CCDC171: variants seen among roughly 807,000 people sequenced by gnomAD.
CCDC171 encodes coiled-coil domain containing 171.
Under a neutral mutation model 168.2 loss-of-function variants are expected in CCDC171, and 177 were observed. That is an observed-to-expected ratio of 1.05 (90% CI 0.93 to 1.19). The LOEUF (loss-of-function observed/expected upper bound fraction) is 1.19. Ranked by LOEUF, CCDC171 falls within the 50% of genes most tolerant of loss-of-function variation. CCDC171 has a pLI of 0.00. For missense variants in CCDC171, 1,991 were observed against 1,539.0 expected, an observed-to-expected ratio of 1.29 and a Z score of -4.91; for synonymous variants, 687 against 540.8, an observed-to-expected ratio of 1.27 and a Z score of -3.75.
intron 18 of CCDC171, among the ~76,000 whole-genome samples, chr9:15,751,393 G>A (rs754686117): frequency 2.0e-5 from 3 of 152,110 alleles, no homozygotes; most frequent in Admixed American, 6.6e-5. Context: ...TCAAGCTGCC[G>A]CTGACTTTCT....
At chr9:15,563,608 A>G (rs964147672) in intron 1 of CCDC171, among the ~76,000 whole-genome samples, 6 of 152,056 alleles carry the variant, frequency 3.9e-5, no homozygotes, top group Admixed American at 1.3e-4. Flanking sequence ...GTCTACCACT[A>G]TTTCCAACCT....
chr9:15,760,647 C>T (rs1463963742), intron 18 of CCDC171, among the ~76,000 whole-genome samples: 1 of 152,170 alleles, frequency 6.6e-6, no homozygotes, highest in Non-Finnish European at 1.5e-5. Context: ...TTCTTGTGCA[C>T]TGATGTCTTA....
At chr9:16,074,995 T>C in the CCDC171 span, among the ~76,000 whole-genome samples, 2 of 152,218 alleles carry the variant, frequency 1.3e-5, no homozygotes, top group African/African-American at 4.8e-5. Context: ...GTTTCGTGCT[T>C]GTTACTTTAT....
intron 21 of CCDC171, among the ~76,000 whole-genome samples, chr9:15,791,622 C>T (rs1310315366): frequency 6.6e-6 from 1 of 152,122 alleles, no homozygotes; most frequent in African/African-American, 2.4e-5. Context: ...GTCAGAACTT[C>T]CAACACTATG....
At chr9:15,855,716 C>G (rs1397890340) in intron 23 of CCDC171, among the ~76,000 whole-genome samples, 1 of 151,554 alleles carries the variant, frequency 6.6e-6, no homozygotes, top group African/African-American at 2.4e-5. Context: ...TAGTTGTTTT[C>G]TTAGTGTTAC....
Position 15,945,229 on chromosome 9 carries a change from A to G in CCDC171, c.3753+24807A>G, listed in dbSNP as rs867971181. 1.7e-3 allele frequency among the ~76,000 whole-genome samples: 253 copies of G among 150,028 alleles called. 2 individuals are homozygous for G. Among genetic ancestry groups the G allele is most frequent in the African/African-American group, 5.7e-3 (235 of 41,196 alleles). ...TGAACTCATCATTTTTTATGGCTGC[A>G]TAGTATTCCATGGTGTATATGTGCC... On this transcript the variant is annotated intron_variant, in intron 25 of 25. Transcript: ENST00000380701.
chr9:15,901,743 T>G (rs1589051601), intron 24 of CCDC171, among the ~76,000 whole-genome samples: 1 of 152,190 alleles, frequency 6.6e-6, no homozygotes, highest in South Asian at 2.1e-4. Flanking sequence ...TAAGGTACGT[T>G]CAAGGAAGAG....
At chr9:15,613,946 C>T (rs1157220654) in intron 6 of CCDC171, among the ~76,000 whole-genome samples, 1 of 152,124 alleles carries the variant, frequency 6.6e-6, no homozygotes, top group Non-Finnish European at 1.5e-5. Flanking sequence ...GAAATCTCTA[C>T]TTGGTTTGTA....
intron 7 of CCDC171, among the ~76,000 whole-genome samples, chr9:15,638,657 A>G (rs1002494580): frequency 6.6e-6 from 1 of 151,954 alleles, no homozygotes; most frequent in Non-Finnish European, 1.5e-5. Context: ...GAGCCAAAGA[A>G]GTTTTTATAT....
intron 18 of CCDC171, among the ~76,000 whole-genome samples, chr9:15,770,440 G>C (rs979895158): frequency 6.6e-6 from 1 of 152,086 alleles, no homozygotes; most frequent in African/African-American, 2.4e-5. Flanking sequence ...GATTTAAAAT[G>C]ATTATTCTTA....
At chr9:15,851,104 A>G (rs1388958688) in intron 23 of CCDC171, among the ~76,000 whole-genome samples, 2 of 152,020 alleles carry the variant, frequency 1.3e-5, no homozygotes, top group Non-Finnish European at 2.9e-5. Context: ...CTTTTCTTGG[A>G]TGTTAAGGAA....
At chr9:15,599,180 A>T (rs553007135) in intron 6 of CCDC171, among the ~76,000 whole-genome samples, 1 of 152,104 alleles carries the variant, frequency 6.6e-6, no homozygotes, top group Admixed American at 6.6e-5. Flanking sequence ...TGTGAATTTG[A>T]TCCTGTCATT....
intron 25 of CCDC171, among the ~76,000 whole-genome samples, chr9:15,939,335 G>C (rs986672378): frequency 6.6e-6 from 1 of 151,284 alleles, no homozygotes; most frequent in Non-Finnish European, 1.5e-5. Flanking sequence ...GTAGAAATAT[G>C]GTATTTATCC....
chr9:15,614,005 A>G (rs539489102), intron 6 of CCDC171, among the ~76,000 whole-genome samples: 3 of 152,366 alleles, frequency 2.0e-5, no homozygotes. Flanking sequence ...TGCCGTGAAC[A>G]AATAAGTCTT....
At chr9:15,571,593 A>G in intron 2 of CCDC171, 31 bp from the exon 3 acceptor site, 1 of 1,485,556 alleles carries the variant, frequency 6.7e-7, no homozygotes. Context: ...TATGAGAAGC[A>G]TATACATTTT....
intron 7 of CCDC171, 74 bp downstream of exon 7, chr9:15,623,487 A>ACACACACG: frequency 1.7e-6 from 1 of 585,676 alleles, no homozygotes; most frequent in Non-Finnish European, 2.7e-6. Context: ...ACACACACAC[A>ACACACACG]CACACACACA....
chr9:15,753,732 CT>C (rs1186540209), intron 18 of CCDC171, among the ~76,000 whole-genome samples: 1 of 151,904 alleles, frequency 6.6e-6, no homozygotes, highest in Admixed American at 6.6e-5. Flanking sequence ...TTCAGGAAAA[CT>C]TTTTTTTAGG....
intron 3 of CCDC171, among the ~76,000 whole-genome samples, chr9:16,013,093 C>T (rs1309398891): frequency 1.3e-5 from 2 of 152,202 alleles, no homozygotes; most frequent in Non-Finnish European, 2.9e-5. Flanking sequence ...TCTCTTCCTT[C>T]ACAAACCTCT....
chr9:15,890,001 G>A (rs1819974787), intron 24 of CCDC171, among the ~76,000 whole-genome samples: 2 of 152,146 alleles, frequency 1.3e-5, no homozygotes, highest in African/African-American at 4.8e-5. Context: ...TCACTTAATA[G>A]TATTTAGAGA....
Sources: allele counts gnomAD v4.1 joint callset (sites outside exome capture counted in the v4.1 genomes callset), GRCh38; gene constraint gnomAD v4.1.1; transcripts MANE v1.5; gene names NCBI Gene and HGNC (gene_info 2026-07-23, HGNC 2026-07-21).